TCERG1L: variants seen among roughly 807,000 people sequenced by gnomAD.
The protein encoded by TCERG1L is transcription elongation regulator 1 like, also known as transcription elongation regulator 1-like protein.
In TCERG1L, 37 loss-of-function variants were observed where a neutral mutation model predicts 56.3. The observed-to-expected ratio is 0.66, with a 90% CI of 0.51 to 0.87. TCERG1L has a LOEUF of 0.87. Ranked by LOEUF, TCERG1L falls within the 40% of genes least tolerant of loss-of-function variation. TCERG1L has a pLI of 0.00. For synonymous variants in TCERG1L, 324 were observed against 326.3 expected (o/e 0.99, Z 0.08); for missense variants, 799 against 774.2 (o/e 1.03, Z -0.38).
intron 3 of TCERG1L, among the ~76,000 whole-genome samples, chr10:131,288,835 C>CG (rs1380710147): frequency 6.6e-6 from 1 of 152,062 alleles, no homozygotes; most frequent in East Asian, 1.9e-4. Flanking sequence ...CACCAGGAGC[C>CG]GGGGGAGGGC....
intron 7 of TCERG1L, among the ~76,000 whole-genome samples, chr10:131,141,150 G>T (rs1845734347): frequency 6.6e-6 from 1 of 152,148 alleles, no homozygotes; most frequent in East Asian, 1.9e-4. Flanking sequence ...TCTAGATTTG[G>T]TCAATAATCA....
intron 3 of TCERG1L, among the ~76,000 whole-genome samples, chr10:131,280,918 G>A (rs560454022): frequency 7.2e-5 from 11 of 152,226 alleles, no homozygotes; most frequent in Non-Finnish European, 1.6e-4. Flanking sequence ...AAGAAATTTT[G>A]CTATCCATGG....
At chr10:131,251,145 A>G (rs1409522918) in intron 4 of TCERG1L, among the ~76,000 whole-genome samples, 1 of 152,060 alleles carries the variant, frequency 6.6e-6, no homozygotes, top group Non-Finnish European at 1.5e-5. Context: ...CAGGAAACAC[A>G]ATGACAGCAG....
Position 131,234,377 on chromosome 10 carries a change from T to G in TCERG1L, c.856+25882A>C, listed in dbSNP as rs562696554. Among the ~76,000 whole-genome samples the G allele has an allele frequency of 1.4e-4, 22 of 152,350 alleles. No individual in the cohort carries two copies. The East Asian group carries it at 2.1e-3, about 15-fold the overall frequency. On this transcript the variant is annotated intron_variant, in intron 4 of 11. Transcript: ENST00000368642. ...CTATTACAAATAATATTTTTTTCAA[T>G]TTATCACTAGCTGTTAGGCACACCA...
chr10:131,249,205 T>C (rs1345668629), intron 4 of TCERG1L, among the ~76,000 whole-genome samples: 2 of 152,242 alleles, frequency 1.3e-5, no homozygotes, highest in African/African-American at 4.8e-5. Context: ...ACTCTTTGCA[T>C]TGTGCTACAG....
chr10:131,172,672 C>T (rs937671733), intron 4 of TCERG1L, among the ~76,000 whole-genome samples: 4 of 152,234 alleles, frequency 2.6e-5, no homozygotes, highest in African/African-American at 9.6e-5. Context: ...TGGACATGCA[C>T]GCCTGTCCAG....
intron 11 of TCERG1L, among the ~76,000 whole-genome samples, 161 bp downstream of exon 11, chr10:131,098,145 G>C (rs1820079649): frequency 6.6e-6 from 1 of 152,208 alleles, no homozygotes; most frequent in African/African-American, 2.4e-5. Flanking sequence ...GCATGATAGA[G>C]GGGAGCCAGG....
intron 1 of TCERG1L, among the ~76,000 whole-genome samples, chr10:131,309,834 C>CAAAAAAAAAAAAAAAAAAAAAAAAAAAAA (rs58892586): frequency 6.0e-5 from 3 of 49,850 alleles, no homozygotes; most frequent in Non-Finnish European, 1.0e-4. Context: ...GATTCTATGG[C>CAAAAAAAAAAAAAAAAAAAAAAAAAAAAA]AAAAAAAAAA....
intron 4 of TCERG1L, among the ~76,000 whole-genome samples, chr10:131,239,595 A>T (rs1845949829): frequency 1.3e-5 from 2 of 152,222 alleles, no homozygotes; most frequent in Admixed American, 1.3e-4. Flanking sequence ...GCCCTCAGAC[A>T]TCCATCGCAC....
intron 9 of TCERG1L, 54 bp downstream of exon 9, chr10:131,116,745 G>T: frequency 6.5e-7 from 1 of 1,540,410 alleles, no homozygotes. Context: ...CCACTCAGCT[G>T]CTGTTCCCCC....
intron 3 of TCERG1L, among the ~76,000 whole-genome samples, chr10:131,287,744 C>T (rs1846561809): frequency 6.6e-6 from 1 of 152,172 alleles, no homozygotes; most frequent in African/African-American, 2.4e-5. Flanking sequence ...CAAGCAGCAG[C>T]CATTCACATC....
At chr10:131,224,300 C>T (rs1845768843) in intron 4 of TCERG1L, among the ~76,000 whole-genome samples, 1 of 152,162 alleles carries the variant, frequency 6.6e-6, no homozygotes, top group Non-Finnish European at 1.5e-5. Flanking sequence ...CGCTGCACGT[C>T]CCATTGGGAG....
chr10:131,262,094 C>T (rs1024393316), intron 3 of TCERG1L, among the ~76,000 whole-genome samples: 4 of 152,098 alleles, frequency 2.6e-5, no homozygotes, highest in African/African-American at 4.8e-5. Context: ...GACAGCCAGG[C>T]TTTGCCGGCA....
At chr10:131,227,096 C>T (rs759850745) in intron 4 of TCERG1L, among the ~76,000 whole-genome samples, 13 of 152,208 alleles carry the variant, frequency 8.5e-5, no homozygotes, top group African/African-American at 3.1e-4. Context: ...CTGGAGAGAG[C>T]GGCACCCCAT....
intron 4 of TCERG1L, among the ~76,000 whole-genome samples, chr10:131,167,859 G>A (rs565610025): frequency 4.5e-4 from 69 of 152,290 alleles, no homozygotes; most frequent in African/African-American, 1.6e-3. Context: ...TCAAAATTTT[G>A]CAAGTAGATT....
intron 3 of TCERG1L, among the ~76,000 whole-genome samples, chr10:131,290,463 C>T (rs1384635690): frequency 1.3e-5 from 2 of 152,036 alleles, no homozygotes; most frequent in African/African-American, 4.8e-5. Flanking sequence ...GAAACCCCTT[C>T]TCTACTAAAA....
chr10:131,177,749 G>C (rs972432274), intron 4 of TCERG1L, among the ~76,000 whole-genome samples: 4 of 152,086 alleles, frequency 2.6e-5, no homozygotes, highest in African/African-American at 9.7e-5. Context: ...CTGGGCAGAT[G>C]TCAGCTAAGG....
intron 4 of TCERG1L, among the ~76,000 whole-genome samples, chr10:131,220,528 T>A: frequency 6.6e-6 from 1 of 152,172 alleles, no homozygotes; most frequent in East Asian, 1.9e-4. Context: ...CTGACCTTAC[T>A]TGGTGTCTTG....
chr10:131,246,749 A>G (rs1366972124), intron 4 of TCERG1L, among the ~76,000 whole-genome samples: 1 of 152,110 alleles, frequency 6.6e-6, no homozygotes, highest in Non-Finnish European at 1.5e-5. Context: ...TTGGGCAGCC[A>G]CCTTCCAGCC....
Sources: gnomAD v4.1 joint callset for allele counts (sites outside exome capture counted in the v4.1 genomes callset) on GRCh38, gnomAD v4.1.1 for gene constraint, MANE v1.5 for transcripts, NCBI Gene and HGNC (gene_info 2026-07-23, HGNC 2026-07-21) for gene names.